The following OXCT1 variants were observed in gnomAD, a reference collection of about 807,000 sequenced individuals.
OXCT1 encodes 3-oxoacid CoA-transferase 1, also known as succinyl-CoA:3-ketoacid coenzyme A transferase 1, mitochondrial.
In OXCT1, 27 loss-of-function variants were observed where a neutral mutation model predicts 69.6. The ratio of observed to expected loss-of-function variants is 0.39; its 90% CI spans 0.29 to 0.54. The LOEUF (loss-of-function observed/expected upper bound fraction) is 0.54, where lower values mean the gene tolerates loss of function less well. Ranked by LOEUF, OXCT1 falls within the 20% of genes least tolerant of loss-of-function variation. The pLI is 0.72. For missense variants in OXCT1, 437 were observed against 650.2 expected, an observed-to-expected ratio of 0.67 and a Z score of 3.57; for synonymous variants, 202 against 217.8, an observed-to-expected ratio of 0.93 and a Z score of 0.64.
chr5:41,808,193 A>G (rs555096299), intron 7 of OXCT1, among the ~76,000 whole-genome samples: 1 of 152,206 alleles, frequency 6.6e-6, no homozygotes, highest in South Asian at 2.1e-4. Context: ...AACAAGGATC[A>G]AGAAAAACTA....
intron 16 of OXCT1, 114 bp from the exon 17 acceptor site, chr5:41,731,884 T>G: frequency 1.7e-6 from 2 of 1,161,564 alleles, no homozygotes; most frequent in Non-Finnish European, 2.5e-6. Context: ...GCCATGGACA[T>G]TCCCTGGAGT....
intron 3 of OXCT1, among the ~76,000 whole-genome samples, chr5:41,854,433 A>C (rs1173397148): frequency 2.6e-5 from 4 of 152,208 alleles, no homozygotes; most frequent in African/African-American, 9.6e-5. Flanking sequence ...CAATGTAACA[A>C]GATAGATAAC....
chr5:41,743,550 C>T (rs1229183135), intron 15 of OXCT1, among the ~76,000 whole-genome samples: 6 of 152,132 alleles, frequency 3.9e-5, no homozygotes, highest in Non-Finnish European at 8.8e-5. Flanking sequence ...ATGAAGTCCT[C>T]GCCCATGCCT....
chr5:41,795,402 C>T (rs1009059923), intron 11 of OXCT1, among the ~76,000 whole-genome samples: 2 of 152,146 alleles, frequency 1.3e-5, no homozygotes, highest in Non-Finnish European at 2.9e-5. Context: ...TCCAGCCTCT[C>T]GCCATCCCCA....
At chr5:41,748,579 G>T (rs1398238039) in intron 15 of OXCT1, among the ~76,000 whole-genome samples, 2 of 151,848 alleles carry the variant, frequency 1.3e-5, no homozygotes, top group Admixed American at 1.3e-4. Context: ...TTCTTTATAT[G>T]TTACCTTCAT....
intron 13 of OXCT1, among the ~76,000 whole-genome samples, chr5:41,766,890 T>C (rs960985177): frequency 2.5e-4 from 38 of 152,150 alleles, no homozygotes; most frequent in African/African-American, 9.2e-4. Flanking sequence ...TGTGAATCTA[T>C]TGGAAGTCAA....
intron 16 of OXCT1, among the ~76,000 whole-genome samples, chr5:41,736,610 C>G (rs1742896527): frequency 6.6e-6 from 1 of 152,104 alleles, no homozygotes; most frequent in South Asian, 2.1e-4. Context: ...CATATTTAGT[C>G]TTTTACTTTG....
At chr5:41,737,028 A>G (rs897533111) in intron 16 of OXCT1, among the ~76,000 whole-genome samples, 3 of 152,230 alleles carry the variant, frequency 2.0e-5, no homozygotes, top group African/African-American at 7.2e-5. Context: ...ATTAAGTAGA[A>G]CATTTTATTA....
Position 41,842,697 on chromosome 5 carries a change from G to A in OXCT1, c.649C>T (p.Arg217Ter), listed in dbSNP as rs758813974. 1.2e-6 allele frequency: 2 copies of A among 1,612,808 alleles called. No individual in the cohort carries two copies. The highest frequency in any genetic ancestry group is 1.7e-6 in the Non-Finnish European group (2 of 1,178,898). Reference sequence around the variant, plus strand: ...TACCTGAAAATCACGTTTCCTGCTCGGTCCGCCTTCCAGGCTTTCACCAAA... The same window carrying A: ...TACCTGAAAATCACGTTTCCTGCTCAGTCCGCCTTCCAGGCTTTCACCAAA... ...FALVKAWKAD[R>*]AGNVIFRKSA... Residue 217 changes from arginine (R) to a stop codon, truncating the protein, a stop_gained, in exon 6 of 17, where the codon CGA (arginine) becomes TGA (stop). Coordinates refer to ENST00000196371, the MANE Select transcript of OXCT1 (RefSeq NM_000436.4). LOFTEE classifies it high-confidence loss of function.
At chr5:41,772,439 A>G (rs933344100) in intron 13 of OXCT1, among the ~76,000 whole-genome samples, 1 of 152,172 alleles carries the variant, frequency 6.6e-6, no homozygotes, top group Non-Finnish European at 1.5e-5. Context: ...TTTCCACAAT[A>G]GAAAGGATCA....
intron 7 of OXCT1, among the ~76,000 whole-genome samples, chr5:41,832,595 T>C (rs1426166847): frequency 6.6e-6 from 1 of 151,988 alleles, no homozygotes; most frequent in Non-Finnish European, 1.5e-5. Flanking sequence ...ACCTAACCCT[T>C]TAATGCCCAG....
intron 7 of OXCT1, among the ~76,000 whole-genome samples, chr5:41,823,755 TA>T (rs552570000): frequency 6.7e-4 from 102 of 152,358 alleles, no homozygotes; most frequent in African/African-American, 2.2e-3. Flanking sequence ...TATAGAATCC[TA>T]AAGTTTCTAT....
intron 6 of OXCT1, among the ~76,000 whole-genome samples, chr5:41,841,167 T>C (rs1030791268): frequency 6.6e-6 from 1 of 152,204 alleles, no homozygotes; most frequent in Non-Finnish European, 1.5e-5. Flanking sequence ...ACAGTTCCCC[T>C]AATGGTAAAA....
At chr5:41,805,713 G>A (rs373270504) in intron 8 of OXCT1, 32 bp from the exon 9 acceptor site, 6 of 1,365,320 alleles carry the variant, frequency 4.4e-6, no homozygotes, top group Non-Finnish European at 6.3e-6. Flanking sequence ...ATTATTCGTG[G>A]TTGAGGTATG....
chr5:41,780,105 G>T (rs1745323376), intron 13 of OXCT1, among the ~76,000 whole-genome samples: 1 of 152,118 alleles, frequency 6.6e-6, no homozygotes, highest in African/African-American at 2.4e-5. Context: ...ACAGTCTGAG[G>T]AAATTAAAGG....
chr5:41,868,710 G>A (rs1487248939), intron 1 of OXCT1, among the ~76,000 whole-genome samples: 2 of 150,612 alleles, frequency 1.3e-5, no homozygotes, highest in East Asian at 2.0e-4. Context: ...GCGACAGAGC[G>A]AGACTCCGTC....
intron 5 of OXCT1, chr5:41,843,666 T>C (rs1313963234): frequency 4.4e-6 from 2 of 452,338 alleles, no homozygotes; most frequent in Non-Finnish European, 8.9e-6. Flanking sequence ...TGGAGCCATG[T>C]GAATGTAGAA....
chr5:41,834,500 A>AC (rs57204462), intron 7 of OXCT1, among the ~76,000 whole-genome samples: 32,700 of 147,730 alleles, frequency 0.22, 3,928 homozygotes, highest in Middle Eastern at 0.3. Context: ...AAAAAAAAAA[A>AC]AAAACAAAAC....
intron 13 of OXCT1, among the ~76,000 whole-genome samples, chr5:41,789,261 A>T (rs1025476928): frequency 6.6e-6 from 1 of 152,218 alleles, no homozygotes; most frequent in South Asian, 2.1e-4. Flanking sequence ...AAATGAGTGG[A>T]TATGGCTATG....
Sources: gnomAD v4.1 joint callset for allele counts (sites outside exome capture counted in the v4.1 genomes callset) on GRCh38, gnomAD v4.1.1 for gene constraint, MANE v1.5 for transcripts, NCBI Gene and HGNC (gene_info 2026-07-23, HGNC 2026-07-21) for gene names.